STXBP5L: variants seen among roughly 807,000 people sequenced by gnomAD.
STXBP5L encodes the protein syntaxin binding protein 5L, also known as syntaxin-binding protein 5-like.
Under a neutral mutation model 144.5 loss-of-function variants are expected in STXBP5L, and 65 were observed. The ratio of observed to expected loss-of-function variants is 0.45; its 90% CI spans 0.37 to 0.55. The LOEUF (loss-of-function observed/expected upper bound fraction) is 0.55. Among genes scored for constraint, STXBP5L ranks in the 20% least tolerant of loss-of-function variants. STXBP5L has a pLI of 0.00. For synonymous variants in STXBP5L, 505 were observed against 469.6 expected, an observed-to-expected ratio of 1.08 and a Z score of -0.97; for missense variants, 1,298 against 1,405.5, an observed-to-expected ratio of 0.92 and a Z score of 1.22.
At chr3:121,053,611 G>T (rs1412248592) in intron 5 of STXBP5L, among the ~76,000 whole-genome samples, 1 of 152,142 alleles carries the variant, frequency 6.6e-6, no homozygotes, top group Non-Finnish European at 1.5e-5. Context: ...AGACTTAAAT[G>T]TTAGACCTAA....
intron 5 of STXBP5L, among the ~76,000 whole-genome samples, chr3:121,087,109 C>T (rs2042537800): frequency 6.6e-6 from 1 of 151,938 alleles, no homozygotes; most frequent in African/African-American, 2.4e-5. Flanking sequence ...CAGGATGTAG[C>T]TCATCTTTGT....
chr3:120,977,885 TG>T (rs1941266604), intron 3 of STXBP5L, among the ~76,000 whole-genome samples: 1 of 152,268 alleles, frequency 6.6e-6, no homozygotes, highest in African/African-American at 2.4e-5. Context: ...CACTCTCTTC[TG>T]GCTTGCAGAT....
chr3:121,393,650 G>A (rs1169703727), intron 22 of STXBP5L, among the ~76,000 whole-genome samples: 5 of 151,916 alleles, frequency 3.3e-5, no homozygotes, highest in Non-Finnish European at 7.4e-5. Flanking sequence ...TCCTGCATAT[G>A]GTTATACAAT....
chr3:121,268,359 A>G (rs2050638924), intron 18 of STXBP5L, among the ~76,000 whole-genome samples: 2 of 152,134 alleles, frequency 1.3e-5, no homozygotes, highest in Admixed American at 6.5e-5. Context: ...GAGCAATGAG[A>G]ACACATGGAC....
At position 121,115,064 on chromosome 3, in the gene STXBP5L, G is replaced by A; in HGVS notation, c.605+5G>A. On this transcript the variant is annotated splice_donor_5th_base_variant and intron_variant, in intron 6 of 26. Transcript: ENST00000471454. The stretch of plus-strand genomic sequence containing the variant: ...GTGGAACAAGGCAATTGAACTGTAA[G>A]TTTGAACTTGGATATCACTTTATTG... 1 of 1,598,984 alleles carries A rather than the reference G, an allele frequency of 6.3e-7. No homozygotes were observed.
chr3:121,204,107 C>T (rs760891923), intron 9 of STXBP5L, among the ~76,000 whole-genome samples: 3 of 152,088 alleles, frequency 2.0e-5, no homozygotes, highest in African/African-American at 4.8e-5. Flanking sequence ...GGCATGGTGG[C>T]ACACACCTGT....
At chr3:121,037,043 A>G (rs1254170973) in intron 3 of STXBP5L, among the ~76,000 whole-genome samples, 1 of 151,916 alleles carries the variant, frequency 6.6e-6, no homozygotes, top group Admixed American at 6.6e-5. Context: ...CCTCCCACTT[A>G]AGCCTGCTGA....
intron 9 of STXBP5L, among the ~76,000 whole-genome samples, chr3:121,188,411 C>A (rs566574784): frequency 6.6e-6 from 1 of 151,872 alleles, no homozygotes; most frequent in Admixed American, 6.6e-5. Context: ...TACATGGAAA[C>A]TGAACAACCT....
chr3:121,118,876 A>G (rs2044340086), intron 6 of STXBP5L, among the ~76,000 whole-genome samples: 1 of 151,590 alleles, frequency 6.6e-6, no homozygotes, highest in Non-Finnish European at 1.5e-5. Context: ...GAGTAAAATA[A>G]TAAGTTCAAT....
intron 5 of STXBP5L, among the ~76,000 whole-genome samples, chr3:121,111,029 G>A (rs576640180): frequency 6.6e-6 from 1 of 152,102 alleles, no homozygotes; most frequent in South Asian, 2.1e-4. Context: ...GGTCTATTCG[G>A]CTATCAATAA....
intron 22 of STXBP5L, among the ~76,000 whole-genome samples, chr3:121,387,523 T>A (rs1219602214): frequency 6.6e-6 from 1 of 152,172 alleles, no homozygotes; most frequent in Admixed American, 6.5e-5. Flanking sequence ...TCTTCTAGGG[T>A]TTTTATGGTT....
At chr3:121,014,726 A>G (rs531916572) in intron 3 of STXBP5L, among the ~76,000 whole-genome samples, 6 of 152,158 alleles carry the variant, frequency 3.9e-5, no homozygotes, top group East Asian at 3.9e-4. Context: ...CAGTAGATTC[A>G]TATTCTTTCC....
At chr3:121,320,939 T>C (rs1333040831) in intron 20 of STXBP5L, among the ~76,000 whole-genome samples, 1 of 152,190 alleles carries the variant, frequency 6.6e-6, no homozygotes, top group Non-Finnish European at 1.5e-5. Context: ...GACCTGGTGA[T>C]CTGCCCGCCT....
intron 17 of STXBP5L, 117 bp from the exon 18 acceptor site, chr3:121,258,926 C>T: frequency 1.0e-6 from 1 of 974,752 alleles, no homozygotes; most frequent in Non-Finnish European, 1.4e-6. Flanking sequence ...CATCTGCATG[C>T]TGCCTGCAAT....
At chr3:120,988,360 A>G (rs555323652) in intron 3 of STXBP5L, among the ~76,000 whole-genome samples, 3 of 151,952 alleles carry the variant, frequency 2.0e-5, no homozygotes, top group East Asian at 3.9e-4. Flanking sequence ...TCTTTGAATC[A>G]TGAGCTCCTT....
chr3:120,969,013 C>A (rs1477290052), intron 3 of STXBP5L, among the ~76,000 whole-genome samples: 1 of 152,012 alleles, frequency 6.6e-6, no homozygotes, highest in Non-Finnish European at 1.5e-5. Flanking sequence ...TGTGTGCATG[C>A]ATCTTTTTCA....
chr3:121,073,934 T>G (rs1047890549), intron 5 of STXBP5L, among the ~76,000 whole-genome samples: 9 of 152,304 alleles, frequency 5.9e-5, no homozygotes, highest in Admixed American at 3.9e-4. Context: ...TGGCCACAGA[T>G]TTGTGCCTTT....
rs2051962317 is a variant in STXBP5L, at chr3:121,302,560, C to G, written c.2111-15915C>G. Reference sequence around the variant, plus strand: ...CTATCTCTTTCAGTTCTGCTCTGATCTTAGTTATTTCTTGCCTTCTGCTAG... The same window carrying G: ...CTATCTCTTTCAGTTCTGCTCTGATGTTAGTTATTTCTTGCCTTCTGCTAG... On this transcript the variant is annotated intron_variant, in intron 19 of 26. Transcript: ENST00000471454. Among the ~76,000 whole-genome samples the G allele has an allele frequency of 4.6e-5, 7 of 152,164 alleles. No homozygotes were observed. In the South Asian group the frequency reaches 1.5e-3, roughly 32 times the overall value.
intron 2 of STXBP5L, among the ~76,000 whole-genome samples, chr3:120,926,335 T>G (rs1709623880): frequency 6.7e-6 from 1 of 148,818 alleles, no homozygotes; most frequent in Non-Finnish European, 1.5e-5. Context: ...TTGCTGGATA[T>G]AGTATTCTTG....
Sources: gnomAD v4.1 joint callset for allele counts (sites outside exome capture counted in the v4.1 genomes callset) on GRCh38, gnomAD v4.1.1 for gene constraint, MANE v1.5 for transcripts, NCBI Gene and HGNC (gene_info 2026-07-23, HGNC 2026-07-21) for gene names.